ZNF804B: variants seen among roughly 807,000 people sequenced by gnomAD.
The protein encoded by ZNF804B is zinc finger protein 804B.
Under a neutral mutation model 101.4 loss-of-function variants are expected in ZNF804B, and 80 were observed. That is an observed-to-expected ratio of 0.79 (90% CI 0.66 to 0.95). The LOEUF (loss-of-function observed/expected upper bound fraction) is 0.95, where lower values mean the gene tolerates loss of function less well. Ranked by LOEUF, ZNF804B falls within the 40% of genes least tolerant of loss-of-function variation. The probability of loss-of-function intolerance (pLI) is 0.00; values close to 1 mark genes in which losing one functional copy is unlikely to be tolerated. For synonymous variants in ZNF804B, 622 were observed against 558.8 expected (o/e 1.11, Z -1.59); for missense variants, 1,673 against 1,561.9 (o/e 1.07, Z -1.20).
chr7:88,888,761 T>A (rs1792172090), intron 1 of ZNF804B, among the ~76,000 whole-genome samples: 1 of 152,160 alleles, frequency 6.6e-6, no homozygotes, highest in Non-Finnish European at 1.5e-5. Context: ...TGACCCTGTT[T>A]TTTGTTTTTC....
At chr7:89,228,237 A>T (rs1172444466) in intron 2 of ZNF804B, among the ~76,000 whole-genome samples, 2 of 113,484 alleles carry the variant, frequency 1.8e-5, no homozygotes, top group East Asian at 4.0e-4. Flanking sequence ...GTGTACCCAA[A>T]GAGTGAGCAG....
intron 1 of ZNF804B, among the ~76,000 whole-genome samples, chr7:88,971,765 T>C (rs1793540957): frequency 6.6e-6 from 1 of 151,604 alleles, no homozygotes; most frequent in Non-Finnish European, 1.5e-5. Flanking sequence ...ATTACCCTTT[T>C]ATTATTATTT....
intron 1 of ZNF804B, among the ~76,000 whole-genome samples, chr7:89,063,112 G>A (rs1789402796): frequency 6.6e-6 from 1 of 152,084 alleles, no homozygotes; most frequent in Non-Finnish European, 1.5e-5. Flanking sequence ...TAAGTATATT[G>A]TAAGTATTAG....
chr7:89,156,822 A>G (rs566657519), intron 1 of ZNF804B, among the ~76,000 whole-genome samples: 1 of 152,304 alleles, frequency 6.6e-6, no homozygotes, highest in East Asian at 1.9e-4. Context: ...GCCTAGATAT[A>G]CAAAGAACAA....
At chr7:89,039,302 G>A (rs1294417205) in intron 1 of ZNF804B, among the ~76,000 whole-genome samples, 1 of 151,814 alleles carries the variant, frequency 6.6e-6, no homozygotes, top group East Asian at 1.9e-4. Flanking sequence ...TAAACTTTGG[G>A]TAGTATAAAC....
chr7:88,950,249 A>T (rs566805088), intron 1 of ZNF804B, among the ~76,000 whole-genome samples: 79 of 151,984 alleles, frequency 5.2e-4, no homozygotes, highest in South Asian at 2.5e-3. Flanking sequence ...TATCTATCTA[A>T]ATTGTTTATC....
intron 1 of ZNF804B, among the ~76,000 whole-genome samples, chr7:89,099,400 C>T (rs1790019920): frequency 6.6e-6 from 1 of 152,144 alleles, no homozygotes; most frequent in Non-Finnish European, 1.5e-5. Context: ...ACATGTTTCA[C>T]AGTTTGGGTA....
At chr7:89,066,062 C>T (rs1203017234) in intron 1 of ZNF804B, among the ~76,000 whole-genome samples, 1 of 152,148 alleles carries the variant, frequency 6.6e-6, no homozygotes, top group African/African-American at 2.4e-5. Flanking sequence ...ATTGCATACA[C>T]ACTCAGTTAA....
intron 1 of ZNF804B, among the ~76,000 whole-genome samples, chr7:89,062,078 A>G (rs1463547786): frequency 6.6e-6 from 1 of 152,084 alleles, no homozygotes; most frequent in Non-Finnish European, 1.5e-5. Context: ...AGGCATCATC[A>G]TGATATCTTC....
intron 2 of ZNF804B, among the ~76,000 whole-genome samples, chr7:89,260,176 G>T (rs1789689860): frequency 6.6e-6 from 1 of 152,148 alleles, no homozygotes; most frequent in Admixed American, 6.6e-5. Context: ...CTGCCAGCTG[G>T]TGCTTATTTT....
chr7:89,218,808 A>G (rs771351700), intron 2 of ZNF804B, among the ~76,000 whole-genome samples: 4 of 152,172 alleles, frequency 2.6e-5, no homozygotes, highest in Non-Finnish European at 4.4e-5. Flanking sequence ...AATAAGGAAT[A>G]GAAAATATTG....
chr7:89,132,430 G>T (rs1790567520), intron 1 of ZNF804B, among the ~76,000 whole-genome samples: 1 of 151,978 alleles, frequency 6.6e-6, no homozygotes, highest in South Asian at 2.1e-4. Flanking sequence ...AATCCCACAG[G>T]TCCAATGGAG....
intron 1 of ZNF804B, among the ~76,000 whole-genome samples, chr7:88,878,393 A>G (rs1011000031): frequency 2.0e-5 from 3 of 152,102 alleles, no homozygotes; most frequent in African/African-American, 7.2e-5. Flanking sequence ...GCAACTTACT[A>G]CCTCATGGAT....
At chr7:89,171,308 T>G (rs1374193676) in intron 1 of ZNF804B, among the ~76,000 whole-genome samples, 5 of 113,464 alleles carry the variant, frequency 4.4e-5, no homozygotes, top group African/African-American at 1.7e-4. Flanking sequence ...CTTCTTCTTC[T>G]TCTTCTTCTT....
intron 2 of ZNF804B, among the ~76,000 whole-genome samples, chr7:89,245,855 A>G (rs1433842274): frequency 6.6e-6 from 1 of 152,204 alleles, no homozygotes; most frequent in Admixed American, 6.5e-5. Flanking sequence ...CGAGAAAGGC[A>G]GACAGCCTCC....
intron 1 of ZNF804B, among the ~76,000 whole-genome samples, chr7:88,918,204 G>A (rs576138515): frequency 4.6e-5 from 7 of 152,216 alleles, no homozygotes; most frequent in African/African-American, 1.4e-4. Context: ...CTTAGATCTA[G>A]TATTCATGGT....
chr7:88,937,462 C>A (rs1393047017), intron 1 of ZNF804B, among the ~76,000 whole-genome samples: 1 of 152,002 alleles, frequency 6.6e-6, no homozygotes, highest in African/African-American at 2.4e-5. Flanking sequence ...GGATTTGAGT[C>A]AGTGTGAGGG....
rs527944644 is a variant in ZNF804B, at chr7:89,039,198, C to T, written c.109-178957C>T. ...ACTTTTAGGAATTTTCTTCTTGTTT[C>T]TGTGAAAAATGCCATTACAATTTTA... On this transcript the variant is annotated intron_variant, in intron 1 of 3. Coordinates refer to ENST00000333190, the MANE Select transcript of ZNF804B (RefSeq NM_181646.5). 8.6e-5 allele frequency among the ~76,000 whole-genome samples: 13 copies of T among 151,820 alleles called. No homozygotes were observed. The South Asian group carries it at 2.7e-3, about 32-fold the overall frequency.
chr7:88,779,901 G>GTAAATGATAGCCCT (rs1790196979), intron 1 of ZNF804B, among the ~76,000 whole-genome samples: 1 of 152,122 alleles, frequency 6.6e-6, no homozygotes, highest in Admixed American at 6.5e-5. Flanking sequence ...ATAGCCCTAA[G>GTAAATGATAGCCCT]GTGCTACAGG....
Sources: gnomAD v4.1 joint callset for allele counts (sites outside exome capture counted in the v4.1 genomes callset) on GRCh38, gnomAD v4.1.1 for gene constraint, MANE v1.5 for transcripts, NCBI Gene and HGNC (gene_info 2026-07-23, HGNC 2026-07-21) for gene names.